The following CAB39 variants were observed in gnomAD, a reference collection of about 807,000 sequenced individuals.
The protein encoded by CAB39 is calcium binding protein 39.
CAB39 carries 8 observed loss-of-function variants against 40.0 expected under a neutral mutation model. The ratio of observed to expected loss-of-function variants is 0.20; its 90% CI spans 0.12 to 0.36. CAB39 has a LOEUF of 0.36. CAB39 is among the 10% of genes least tolerant of loss of function. The pLI is 1.00. For missense variants in CAB39, 270 were observed against 401.1 expected, an observed-to-expected ratio of 0.67 and a Z score of 2.79; for synonymous variants, 156 against 141.6, an observed-to-expected ratio of 1.10 and a Z score of -0.72.
At chr2:230,816,709 C>A (rs1386662218) in intron 7 of CAB39, among the ~76,000 whole-genome samples, 2 of 152,234 alleles carry the variant, frequency 1.3e-5, no homozygotes, top group African/African-American at 2.4e-5. Context: ...TCTGCAGATA[C>A]AGGCCTGATA....
intron 2 of CAB39, among the ~76,000 whole-genome samples, chr2:230,773,913 G>A (rs980684760): frequency 3.9e-5 from 6 of 152,124 alleles, no homozygotes; most frequent in African/African-American, 1.4e-4. Context: ...AAGAGGTATT[G>A]ACATGGACTA....
chr2:230,809,191 C>G (rs1046673384), intron 5 of CAB39, among the ~76,000 whole-genome samples: 1 of 152,204 alleles, frequency 6.6e-6, no homozygotes, highest in Non-Finnish European at 1.5e-5. Flanking sequence ...CCTGTGCAGT[C>G]TAGGACCTGA....
intron 1 of CAB39, among the ~76,000 whole-genome samples, chr2:230,715,302 AC>A (rs2124842705): frequency 6.6e-6 from 1 of 152,336 alleles, no homozygotes; most frequent in East Asian, 1.9e-4. Flanking sequence ...TGTGGACAGA[AC>A]TTTTTCTGAA....
At chr2:230,746,483 CA>C (rs1332945209) in intron 1 of CAB39, among the ~76,000 whole-genome samples, 1 of 152,198 alleles carries the variant, frequency 6.6e-6, no homozygotes, top group African/African-American at 2.4e-5. Context: ...GAACCCAGAT[CA>C]ACCCTTTGAA....
chr2:230,741,934 A>G (rs898189961), intron 1 of CAB39, among the ~76,000 whole-genome samples: 1 of 152,180 alleles, frequency 6.6e-6, no homozygotes. Context: ...CAGTGCTATA[A>G]TGAAAGCAGC....
chr2:230,725,481 C>T (rs1231656728), intron 1 of CAB39: 27 of 1,235,192 alleles, frequency 2.2e-5, no homozygotes, highest in Non-Finnish European at 3.0e-5. Flanking sequence ...GGATACCTCC[C>T]GTTTAATCTT....
chr2:230,748,831 AATATATATATAT>A lies in CAB39; in HGVS notation c.-43-11102_-43-11091del, dbSNP rs71052546. Among the ~76,000 whole-genome samples the A allele has an allele frequency of 2.0e-3, 57 of 28,514 alleles. 2 individuals are homozygous for A. Among genetic ancestry groups the A allele is most frequent in the South Asian group, 4.7e-3 (3 of 640 alleles). 18.7% of individuals were successfully genotyped at this position (28,514 alleles called of 152,430 possible). A position where few individuals can be genotyped will look rare whatever the true frequency, so the allele number is the denominator to read the frequency against. The stretch of plus-strand genomic sequence containing the variant: ...CCAAAAAGAAAAAAAAAAAAAAAAA[AATATATATATAT>A]ATATATATATATATATATATATATA... On this transcript the variant is annotated intron_variant, in intron 1 of 8. Coordinates refer to ENST00000258418, the MANE Select transcript of CAB39 (RefSeq NM_016289.4).
chr2:230,769,896 G>A (rs1380282366), intron 2 of CAB39, among the ~76,000 whole-genome samples: 1 of 151,840 alleles, frequency 6.6e-6, no homozygotes, highest in Non-Finnish European at 1.5e-5. Flanking sequence ...GGTGGAGGCT[G>A]CAGTGAGCTG....
At chr2:230,725,984 A>G (rs1370630217) in intron 1 of CAB39, among the ~76,000 whole-genome samples, 1 of 152,150 alleles carries the variant, frequency 6.6e-6, no homozygotes, top group Non-Finnish European at 1.5e-5. Flanking sequence ...TTTATTAACT[A>G]TTTCCTTTTT....
intron 1 of CAB39, among the ~76,000 whole-genome samples, chr2:230,715,522 C>T (rs929907284): frequency 2.6e-5 from 4 of 152,144 alleles, no homozygotes; most frequent in East Asian, 3.8e-4. Flanking sequence ...CCACAGACGG[C>T]GATGCAGTGT....
chr2:230,798,407 T>C (rs1175931659), intron 4 of CAB39, among the ~76,000 whole-genome samples: 1 of 152,208 alleles, frequency 6.6e-6, no homozygotes, highest in Admixed American at 6.5e-5. Flanking sequence ...CTAACCCCTG[T>C]ATGGAGTGGT....
intron 5 of CAB39, among the ~76,000 whole-genome samples, chr2:230,799,867 G>A (rs1402196750): frequency 6.6e-6 from 1 of 151,992 alleles, no homozygotes; most frequent in African/African-American, 2.4e-5. Context: ...GCGCATGCCT[G>A]TAATCACAGC....
intron 2 of CAB39, among the ~76,000 whole-genome samples, chr2:230,778,765 C>T (rs980264232): frequency 3.3e-5 from 5 of 152,166 alleles, no homozygotes; most frequent in Admixed American, 6.5e-5. Context: ...CATCATTAGG[C>T]GATTTCTTCC....
chr2:230,788,516 C>T (rs1038568806), intron 2 of CAB39, among the ~76,000 whole-genome samples: 1 of 152,082 alleles, frequency 6.6e-6, no homozygotes, highest in Non-Finnish European at 1.5e-5. Flanking sequence ...GTCTTCATTG[C>T]TTTTCATTTC....
intron 5 of CAB39, among the ~76,000 whole-genome samples, chr2:230,804,401 G>A (rs1221046298): frequency 6.6e-6 from 1 of 152,012 alleles, no homozygotes; most frequent in Non-Finnish European, 1.5e-5. Context: ...TAGATAAATG[G>A]GATCTAAATA....
intron 2 of CAB39, among the ~76,000 whole-genome samples, chr2:230,772,973 A>G (rs1695511735): frequency 8.2e-6 from 1 of 122,632 alleles, no homozygotes; most frequent in Non-Finnish European, 1.7e-5. Context: ...ACAGAGTACT[A>G]CTCAGCAATA....
At chr2:230,770,602 T>A (rs964693671) in intron 2 of CAB39, among the ~76,000 whole-genome samples, 1 of 152,226 alleles carries the variant, frequency 6.6e-6, no homozygotes, top group Admixed American at 6.5e-5. Flanking sequence ...GAGGTCAGAA[T>A]TATAATCATC....
intron 6 of CAB39, chr2:230,813,842 G>C (rs1696347302): frequency 2.2e-6 from 1 of 459,528 alleles, no homozygotes; most frequent in Non-Finnish European, 3.8e-6. Context: ...AGGGATTGGT[G>C]GGATCACCTG....
intron 5 of CAB39, among the ~76,000 whole-genome samples, chr2:230,809,061 G>A (rs1235098617): frequency 6.6e-6 from 1 of 152,182 alleles, no homozygotes. Flanking sequence ...TTGTGCTGGT[G>A]ACCAATCAGG....
Sources: allele counts gnomAD v4.1 joint callset (sites outside exome capture counted in the v4.1 genomes callset), GRCh38; gene constraint gnomAD v4.1.1; transcripts MANE v1.5; gene names NCBI Gene and HGNC (gene_info 2026-07-23, HGNC 2026-07-21).